STPG2: variants seen among roughly 807,000 people sequenced by gnomAD.
STPG2 encodes the protein sperm tail PG-rich repeat containing 2.
STPG2 carries 56 observed loss-of-function variants against 54.2 expected under a neutral mutation model. The observed-to-expected ratio is 1.03, with a 90% CI of 0.83 to 1.29. STPG2 has a LOEUF of 1.29. Ranked by LOEUF, STPG2 falls within the 50% of genes most tolerant of loss-of-function variation. STPG2 has a pLI of 0.00. For synonymous variants in STPG2, 200 were observed against 181.8 expected (o/e 1.10, Z -0.81); for missense variants, 596 against 544.9 (o/e 1.09, Z -0.93).
At chr4:97,794,687 T>C (rs1727109933) in intron 9 of STPG2, among the ~76,000 whole-genome samples, 1 of 152,142 alleles carries the variant, frequency 6.6e-6, no homozygotes, top group Admixed American at 6.6e-5. Context: ...TATATTTAAC[T>C]ATTTTAAAAC....
chr4:97,447,965 G>A (rs1220049914), intron 4 of STPG2, among the ~76,000 whole-genome samples: 2 of 152,190 alleles, frequency 1.3e-5, no homozygotes, highest in African/African-American at 4.8e-5. Flanking sequence ...GCCAGTGAAA[G>A]AACTGCCCAA....
At chr4:97,855,268 T>A (rs1451268208) in intron 8 of STPG2, among the ~76,000 whole-genome samples, 1 of 152,198 alleles carries the variant, frequency 6.6e-6, no homozygotes. Context: ...CATTTAGGTA[T>A]ATTCCCAGTA....
At chr4:97,597,992 T>A (rs1211676575) in intron 10 of STPG2, among the ~76,000 whole-genome samples, 2 of 152,020 alleles carry the variant, frequency 1.3e-5, no homozygotes, top group African/African-American at 4.8e-5. Context: ...CAATCATCTC[T>A]GTCTGAAAGC....
At chr4:97,901,670 G>C (rs1409482395) in intron 8 of STPG2, among the ~76,000 whole-genome samples, 7 of 151,764 alleles carry the variant, frequency 4.6e-5, no homozygotes, top group Admixed American at 3.9e-4. Context: ...AAAAGAAATA[G>C]AAGATACAAA....
At chr4:97,925,126 C>A (rs1053110967) in intron 8 of STPG2, among the ~76,000 whole-genome samples, 2 of 152,120 alleles carry the variant, frequency 1.3e-5, no homozygotes, top group Non-Finnish European at 2.9e-5. Context: ...TTATGTACTG[C>A]AAATAAAAAT....
chr4:97,544,277 G>A (rs1731787514), intron 4 of STPG2, among the ~76,000 whole-genome samples: 2 of 152,044 alleles, frequency 1.3e-5, no homozygotes, highest in South Asian at 4.1e-4. Context: ...GATTCAGATA[G>A]CGGTGCCACT....
chr4:98,104,925 G>A (rs1289706067), intron 5 of STPG2, among the ~76,000 whole-genome samples: 2 of 152,060 alleles, frequency 1.3e-5, no homozygotes, highest in Non-Finnish European at 1.5e-5. Flanking sequence ...CATTGTTGTG[G>A]ACAAACTGCA....
At chr4:97,543,522 T>C (rs1308664701) in intron 4 of STPG2, among the ~76,000 whole-genome samples, 1 of 152,022 alleles carries the variant, frequency 6.6e-6, no homozygotes, top group Non-Finnish European at 1.5e-5. Context: ...TAAATATTAA[T>C]AAATGAAGAA....
At chr4:97,943,491 A>G (rs1445163300) in intron 8 of STPG2, among the ~76,000 whole-genome samples, 1 of 152,122 alleles carries the variant, frequency 6.6e-6, no homozygotes, top group East Asian at 1.9e-4. Context: ...TTTAACATAC[A>G]GGTCAACAGG....
intron 8 of STPG2, among the ~76,000 whole-genome samples, chr4:97,925,652 T>C (rs1732306869): frequency 6.6e-6 from 1 of 152,168 alleles, no homozygotes; most frequent in Admixed American, 6.5e-5. Context: ...TGAGAAAGTA[T>C]AACAAAAGAA....
chr4:97,852,397 A>G (rs1729188434), intron 8 of STPG2, among the ~76,000 whole-genome samples: 1 of 152,206 alleles, frequency 6.6e-6, no homozygotes. Flanking sequence ...TTATATTTAT[A>G]GCCTTATTAT....
chr4:97,754,356 A>G (rs1413843193), intron 9 of STPG2, among the ~76,000 whole-genome samples: 2 of 152,064 alleles, frequency 1.3e-5, no homozygotes, highest in African/African-American at 2.4e-5. Flanking sequence ...GTAATGCCCA[A>G]TCCGCTTTTG....
intron 4 of STPG2, among the ~76,000 whole-genome samples, chr4:97,551,680 T>C (rs1578382139): frequency 6.6e-6 from 1 of 152,248 alleles, no homozygotes; most frequent in East Asian, 1.9e-4. Context: ...GATAACTATA[T>C]GACTGTAGTT....
intron 5 of STPG2, among the ~76,000 whole-genome samples, chr4:98,021,071 T>A (rs1420151013): frequency 6.6e-6 from 1 of 152,144 alleles, no homozygotes; most frequent in Non-Finnish European, 1.5e-5. Flanking sequence ...CTTTTGAATG[T>A]GCTTGCTCTT....
chr4:97,676,888 A>C (rs1722868247), intron 10 of STPG2, among the ~76,000 whole-genome samples: 2 of 152,144 alleles, frequency 1.3e-5, no homozygotes, highest in Non-Finnish European at 2.9e-5. Flanking sequence ...AACAGACAAA[A>C]ACCTGCATTT....
At chr4:97,680,824 T>C (rs1454671478) in intron 10 of STPG2, among the ~76,000 whole-genome samples, 1 of 151,934 alleles carries the variant, frequency 6.6e-6, no homozygotes, top group Admixed American at 6.6e-5. Flanking sequence ...CATGAAGACC[T>C]GAATAATAAC....
chr4:97,824,924 T>G (rs1042452313), intron 9 of STPG2, among the ~76,000 whole-genome samples: 2 of 152,188 alleles, frequency 1.3e-5, no homozygotes, highest in African/African-American at 2.4e-5. Flanking sequence ...AAAACCATGT[T>G]GAATTGTCCT....
intron 5 of STPG2, among the ~76,000 whole-genome samples, chr4:98,022,697 C>T (rs1006540437): frequency 1.3e-5 from 2 of 152,202 alleles, no homozygotes; most frequent in African/African-American, 4.8e-5. Flanking sequence ...TCCCATATTT[C>T]TTGGAGACTT....
chr4:97,633,229 T>C (rs147808351), intron 10 of STPG2, among the ~76,000 whole-genome samples: 3 of 152,184 alleles, frequency 2.0e-5, no homozygotes, highest in Non-Finnish European at 4.4e-5. Flanking sequence ...TGCTTCTAAG[T>C]GTCAAATACA....
Sources: allele counts gnomAD v4.1 joint callset (sites outside exome capture counted in the v4.1 genomes callset), GRCh38; gene constraint gnomAD v4.1.1; transcripts MANE v1.5; gene names NCBI Gene and HGNC (gene_info 2026-07-23, HGNC 2026-07-21).